Variants in CDH13 observed in about 807,000 individuals in gnomAD.
CDH13 encodes the protein cadherin-13.
Under a neutral mutation model 63.8 loss-of-function variants are expected in CDH13, and 24 were observed. The ratio of observed to expected loss-of-function variants is 0.38; its 90% confidence interval spans 0.27 to 0.53. The LOEUF is 0.53. Among genes scored for constraint, CDH13 ranks in the 20% least tolerant of loss-of-function variants. The pLI, the probability that CDH13 is intolerant of heterozygous loss-of-function variation, is 0.85. For synonymous variants in CDH13, 503 were observed against 355.3 expected, an observed-to-expected ratio of 1.42 and a Z score of -4.67; for missense variants, 1,049 against 903.1, an observed-to-expected ratio of 1.16 and a Z score of -2.07.
chr16:82,829,988 T>G (rs1434227293), intron 1 of CDH13, among the ~76,000 whole-genome samples: 1 of 152,236 alleles, frequency 6.6e-6, no homozygotes, highest in Admixed American at 6.5e-5. Context: ...CATTATTATT[T>G]GCTGAACTTT....
At chr16:82,753,250 A>T (rs960403385) in intron 1 of CDH13, among the ~76,000 whole-genome samples, 2 of 152,194 alleles carry the variant, frequency 1.3e-5, no homozygotes, top group African/African-American at 4.8e-5. Flanking sequence ...ATGGCATCTC[A>T]GTTCAATCTC....
chr16:83,416,449 A>G (rs754247156), intron 6 of CDH13, among the ~76,000 whole-genome samples: 3 of 152,144 alleles, frequency 2.0e-5, no homozygotes, highest in Non-Finnish European at 2.9e-5. Context: ...ACCTGTGACT[A>G]TATCTGTTTC....
intron 8 of CDH13, among the ~76,000 whole-genome samples, chr16:83,649,855 C>G (rs565823175): frequency 1.3e-5 from 2 of 152,320 alleles, no homozygotes; most frequent in African/African-American, 2.4e-5. Flanking sequence ...GGACCTGATT[C>G]AAAAGGCGGG....
intron 1 of CDH13, among the ~76,000 whole-genome samples, chr16:82,777,437 A>G (rs890281373): frequency 1.3e-5 from 2 of 152,166 alleles, no homozygotes. Context: ...TTAACTCCAC[A>G]CTGTGGTCTT....
intron 5 of CDH13, among the ~76,000 whole-genome samples, chr16:83,342,784 A>C (rs78860402): frequency 0.072 from 10,784 of 149,858 alleles, 535 homozygotes; most frequent in Non-Finnish European, 0.11. Flanking sequence ...AGAATGTAGA[A>C]TCTTAGGATT....
chr16:83,778,011 G>T (rs889429608), intron 11 of CDH13, among the ~76,000 whole-genome samples: 1 of 152,204 alleles, frequency 6.6e-6, no homozygotes, highest in African/African-American at 2.4e-5. Flanking sequence ...TTATGGTGCT[G>T]TAATTTTAGA....
intron 3 of CDH13, 71 bp from the exon 4 acceptor site, chr16:83,125,314 T>A: frequency 1.2e-6 from 1 of 830,018 alleles, no homozygotes; most frequent in Non-Finnish European, 2.0e-6. Flanking sequence ...ACAAAGGAAC[T>A]CTATCTCGGA....
Position 83,651,827 on chromosome 16 carries a change from T to A in CDH13, c.1102-18963T>A, listed in dbSNP as rs148038242. ...GCCAGCTGGTCTCAGACTCCTGACC[T>A]CAGGTGATCTGCCTGCTTCAGCCTC... On this transcript the variant is annotated intron_variant, in intron 8 of 13. Transcript: ENST00000567109. Among the ~76,000 whole-genome samples the A allele has an allele frequency of 1.4e-3, 208 of 152,204 alleles. 1 individual carries two copies. Among genetic ancestry groups the A allele is most frequent in the African/African-American group, 4.7e-3 (195 of 41,538 alleles).
chr16:83,178,976 A>G (rs996623638), intron 4 of CDH13, among the ~76,000 whole-genome samples: 1 of 152,152 alleles, frequency 6.6e-6, no homozygotes. Context: ...CAAAAAATAT[A>G]CACCTTGGTC....
chr16:83,036,938 A>G (rs561105687), intron 3 of CDH13, among the ~76,000 whole-genome samples: 1 of 152,308 alleles, frequency 6.6e-6, no homozygotes, highest in East Asian at 1.9e-4. Flanking sequence ...GGAATGCTAA[A>G]TAAAAGCATG....
At chr16:82,760,198 G>C (rs2034778876) in intron 1 of CDH13, among the ~76,000 whole-genome samples, 1 of 152,132 alleles carries the variant, frequency 6.6e-6, no homozygotes, top group Non-Finnish European at 1.5e-5. Flanking sequence ...GTGCCAGTTA[G>C]ACATAAGCAC....
chr16:82,938,138 T>C (rs1245232564), intron 2 of CDH13, among the ~76,000 whole-genome samples: 1 of 152,176 alleles, frequency 6.6e-6, no homozygotes, highest in African/African-American at 2.4e-5. Context: ...CTGGGAAGAA[T>C]GTATCTTAAG....
chr16:82,754,772 A>G (rs558087664), intron 1 of CDH13, among the ~76,000 whole-genome samples: 2 of 152,350 alleles, frequency 1.3e-5, no homozygotes, highest in South Asian at 2.1e-4. Flanking sequence ...AATGATCTCT[A>G]AAAGCCAACT....
rs575872985 is a variant in CDH13, at chr16:83,290,292, T to C, written c.637-54570T>C. Among the ~76,000 whole-genome samples the C allele has an allele frequency of 1.6e-4, 25 of 152,332 alleles. No individual in the cohort carries two copies. In the South Asian group the frequency reaches 5.2e-3, roughly 32 times the overall value. On this transcript the variant is annotated intron_variant, in intron 5 of 13. Coordinates refer to ENST00000567109, the MANE Select transcript of CDH13 (RefSeq NM_001257.5). ...TCACTCTTCAGTCCCTGATATGATT[T>C]GGTGCTGTATCCCCACCCACATCTC...
intron 2 of CDH13, among the ~76,000 whole-genome samples, chr16:82,926,886 A>T (rs1295009984): frequency 6.6e-6 from 1 of 152,210 alleles, no homozygotes; most frequent in Admixed American, 6.5e-5. Flanking sequence ...TAATTGTATA[A>T]GAAACCATCA....
intron 4 of CDH13, among the ~76,000 whole-genome samples, chr16:83,153,635 C>T (rs1328303882): frequency 6.6e-6 from 1 of 152,190 alleles, no homozygotes; most frequent in Non-Finnish European, 1.5e-5. Context: ...TTAAGTTGGA[C>T]TGTTTTCACT....
rs543117697 is a variant in CDH13, at chr16:83,320,103, G to A, written c.637-24759G>A. Among the ~76,000 whole-genome samples the A allele has an allele frequency of 5.9e-5, 9 of 152,268 alleles. No homozygotes were observed. The South Asian group carries it at 1.7e-3, about 28-fold the overall frequency. ...CACTCAGGCTGGAGTGCAGTGTCAT[G>A]ATCATGGCTCACTGCAGCCTCGACC... On this transcript the variant is annotated intron_variant, in intron 5 of 13. Coordinates refer to ENST00000567109, the MANE Select transcript of CDH13 (RefSeq NM_001257.5).
intron 3 of CDH13, among the ~76,000 whole-genome samples, chr16:83,050,897 G>T (rs1406895065): frequency 6.6e-6 from 1 of 151,950 alleles, no homozygotes; most frequent in Admixed American, 6.6e-5. Flanking sequence ...CCTTGTATTT[G>T]TCTTTAGTTC....
chr16:82,975,302 G>A (rs1052839078), intron 2 of CDH13, among the ~76,000 whole-genome samples: 3 of 152,168 alleles, frequency 2.0e-5, no homozygotes, highest in Non-Finnish European at 4.4e-5. Flanking sequence ...GACAAAACCC[G>A]TGCGCCTTGT....
Sources: allele counts gnomAD v4.1 joint callset (sites outside exome capture counted in the v4.1 genomes callset), GRCh38; gene constraint gnomAD v4.1.1; transcripts MANE v1.5; gene names NCBI Gene and HGNC (gene_info 2026-07-23, HGNC 2026-07-21).